The following SAP130 variants were observed in gnomAD, a reference collection of about 807,000 sequenced individuals.
SAP130 encodes the protein histone deacetylase complex subunit SAP130.
In SAP130, 16 loss-of-function variants were observed where a neutral mutation model predicts 103.2. That is an observed-to-expected ratio of 0.16 (90% CI 0.10 to 0.24). The LOEUF is 0.24. Ranked by LOEUF, SAP130 falls within the 10% of genes least tolerant of loss-of-function variation. SAP130 has a pLI of 1.00. For missense variants in SAP130, 990 were observed against 1,359.7 expected (o/e 0.73, Z 4.28); for synonymous variants, 477 against 497.0 (o/e 0.96, Z 0.53).
At chr2:128,027,590 A>C (rs2105280061) in intron 1 of SAP130, among the ~76,000 whole-genome samples, 1 of 149,560 alleles carries the variant, frequency 6.7e-6, no homozygotes, top group Middle Eastern at 3.6e-3. Context: ...GAGTCACTTT[A>C]AACTGCTCCA....
Position 128,024,651 on chromosome 2 carries a change from TGGAGTCC to T in SAP130, c.112+1523_112+1529del, listed in dbSNP as rs374190127. On this transcript the variant is annotated intron_variant, in intron 2 of 20. Coordinates refer to ENST00000643581, the MANE Select transcript of SAP130 (RefSeq NM_001330301.2). ...CAAGGAGGGTGGATCACTTGAAGTC[TGGAGTCC>T]GGAGTCCGAGATCAGCCTGGCCAAC... Among the ~76,000 whole-genome samples, 49 of 150,708 alleles carry T rather than the reference TGGAGTCC, an allele frequency of 3.3e-4. 1 individual carries two copies. The South Asian group carries it at 6.1e-3, about 19-fold the overall frequency.
At chr2:127,971,414 T>G (rs1681083692) in intron 15 of SAP130, among the ~76,000 whole-genome samples, 1 of 151,800 alleles carries the variant, frequency 6.6e-6, no homozygotes, top group East Asian at 1.9e-4. Context: ...GCCTCCCGAG[T>G]AGCTGGGACT....
intron 2 of SAP130, among the ~76,000 whole-genome samples, chr2:128,024,296 T>C (rs1249662617): frequency 6.6e-6 from 1 of 150,874 alleles, no homozygotes; most frequent in South Asian, 2.1e-4. Flanking sequence ...CTGGTCAACA[T>C]AGCAAGACTC....
At chr2:127,982,161 AAAG>A (rs1269010709) in intron 14 of SAP130, among the ~76,000 whole-genome samples, 2 of 150,230 alleles carry the variant, frequency 1.3e-5, no homozygotes, top group Non-Finnish European at 2.9e-5. Context: ...TTCTTTTTAC[AAAG>A]AAGAGCAAAA....
chr2:127,970,588 T>G (rs1681015472), intron 15 of SAP130, among the ~76,000 whole-genome samples: 1 of 146,142 alleles, frequency 6.8e-6, no homozygotes, highest in Non-Finnish European at 1.5e-5. Flanking sequence ...TGGTGATGCA[T>G]GCCTGGAGTC....
At chr2:127,975,305 A>C (rs1051930021) in intron 15 of SAP130, among the ~76,000 whole-genome samples, 1 of 152,224 alleles carries the variant, frequency 6.6e-6, no homozygotes, top group Non-Finnish European at 1.5e-5. Context: ...ACCAAGATGA[A>C]AATGCAACAA....
chr2:127,947,764 C>CTGTGTGTGTCTGTGTGTGTGAG (rs1553500402), intron 18 of SAP130, among the ~76,000 whole-genome samples: 6 of 143,422 alleles, frequency 4.2e-5, no homozygotes, highest in Non-Finnish European at 7.6e-5. Flanking sequence ...TTGTGTGTGT[C>CTGTGTGTGTCTGTGTGTGTGAG]TGTGTGTGTG....
chr2:128,027,321 C>A (rs2105278501), intron 1 of SAP130: 2 of 1,157,402 alleles, frequency 1.7e-6, no homozygotes, highest in Non-Finnish European at 2.1e-6. Flanking sequence ...CTGCCTCCCC[C>A]GCCCGCCCAT....
intron 2 of SAP130, among the ~76,000 whole-genome samples, chr2:128,021,048 G>A (rs1051047194): frequency 2.0e-5 from 3 of 152,140 alleles, no homozygotes; most frequent in African/African-American, 7.2e-5. Flanking sequence ...TAAAATCACT[G>A]TATCATTGAT....
chr2:127,954,955 C>A, intron 16 of SAP130, 31 bp downstream of exon 16: 1 of 1,494,584 alleles, frequency 6.7e-7, no homozygotes, highest in South Asian at 1.2e-5. Context: ...GAGGCAATTG[C>A]CAATGGAGAG....
rs772488591 is a variant in SAP130, at chr2:127,955,024, T to A, written c.2384A>T (p.Glu795Val). 9.3e-6 allele frequency: 15 copies of A among 1,613,832 alleles called. No homozygotes were observed. In the South Asian group the frequency reaches 1.6e-4, roughly 18 times the overall value. The change falls in exon 16 of 21, where the codon GAA becomes GTA. Residue 795 changes from glutamate (E) to valine (V), a missense_variant. Glu to Val is a moderately radical substitution (Grantham distance 121). This residue lies in a region of SAP130 where 349 missense variants were observed against 384.1 expected (regional missense o/e 0.91). Coordinates refer to ENST00000643581, the MANE Select transcript of SAP130 (RefSeq NM_001330301.2). The surrounding 1 kb of genome is among the most constrained non-coding windows in gnomAD (Gnocchi z 4.9). ...GPPVPEIKVK[E>V]EVEPMDIMRP... ...CATGATATCCATTGGTTCTACTTCT[T>A]CTTTCACTTTAATTTCAGGAACGGG...
At chr2:127,959,966 C>T (rs575410431) in intron 15 of SAP130, among the ~76,000 whole-genome samples, 4 of 152,298 alleles carry the variant, frequency 2.6e-5, no homozygotes, top group African/African-American at 9.6e-5. Flanking sequence ...TCATTGAGCA[C>T]TACAGCCTCC....
intron 15 of SAP130, among the ~76,000 whole-genome samples, chr2:127,963,963 G>A (rs1305609853): frequency 6.6e-6 from 1 of 152,152 alleles, no homozygotes; most frequent in African/African-American, 2.4e-5. Context: ...TATCTTGATT[G>A]GGATAGTGTT....
rs1419267363 is a variant in SAP130 at position 127,989,777 on chromosome 2, T to A, written c.1567A>T (p.Thr523Ser). 6.2e-7 allele frequency: 1 copy of A among 1,614,194 alleles called. No homozygotes were observed. Among genetic ancestry groups the A allele is most frequent in the East Asian group, 2.2e-5 (1 of 44,890 alleles). Residue 523 changes from threonine to serine, a missense_variant, in exon 13 of 21, where the codon ACA becomes TCA. Physicochemically the swap from Thr to Ser is moderately conservative, Grantham distance 58. Transcript: ENST00000643581. The surrounding 1 kb of genome is among the most constrained non-coding windows in gnomAD (Gnocchi z 4.6). ...TGTCGAGCATGCGATGCATCCACTG[T>A]CATCAACTGCATGGGGTTTAGGTGG... ...TVHLNPMQLM[T>S]VDASHARHIQ...
rs777703108 is a variant in SAP130 at position 127,986,596 on chromosome 2, G to C, written c.1958+189C>G. 1.3e-5 allele frequency among the ~76,000 whole-genome samples: 2 copies of C among 152,214 alleles called. No individual in the cohort carries two copies. The highest frequency in any genetic ancestry group is 6.5e-5 in the Admixed American group (1 of 15,290). On this transcript the variant is annotated intron_variant, in intron 14 of 20. Transcript: ENST00000643581. This position sits in a 1 kb window ranked among gnomAD's most constrained non-coding sequence, Gnocchi z 4.7. ...CCTCACTGACTCCAGGATTTGTTAAGATCTTACAGTCTCAGCTGGGTAAGG... is the reference window on the plus strand; with the variant it reads ...CCTCACTGACTCCAGGATTTGTTAACATCTTACAGTCTCAGCTGGGTAAGG...
rs536313467 is a variant in SAP130 at position 127,977,303 on chromosome 2, G to A, written c.2063+682C>T. Reference sequence around the variant, plus strand: ...TCAGGAGTTTGAGACCAGCCTGGCCGACATGGCGAAATCCTGACTCTACTT... The same window carrying A: ...TCAGGAGTTTGAGACCAGCCTGGCCAACATGGCGAAATCCTGACTCTACTT... On this transcript the variant is annotated intron_variant, in intron 15 of 20. Transcript: ENST00000643581. Among the ~76,000 whole-genome samples, 11 of 132,520 alleles carry A rather than the reference G, an allele frequency of 8.3e-5. No individual in the cohort carries two copies. The South Asian group carries it at 2.0e-3, about 24-fold the overall frequency. The allele number at this position is 132,520 out of a possible 152,430, so 86.9% of individuals were successfully genotyped here. A position where few individuals can be genotyped will look rare whatever the true frequency, so the allele number is the denominator to read the frequency against.
intron 7 of SAP130, among the ~76,000 whole-genome samples, chr2:128,007,993 A>G (rs1161470746): frequency 6.6e-6 from 1 of 152,040 alleles, no homozygotes; most frequent in Non-Finnish European, 1.5e-5. Context: ...TTTGATTTTC[A>G]TTTACTCGGA....
chr2:127,967,885 T>C (rs773369414), intron 15 of SAP130, among the ~76,000 whole-genome samples: 10 of 152,208 alleles, frequency 6.6e-5, no homozygotes, highest in East Asian at 1.9e-4. Flanking sequence ...ATAGACCATA[T>C]GTTAGGTCAA....
At chr2:127,947,659 A>G (rs756592455) in intron 18 of SAP130, among the ~76,000 whole-genome samples, 5 of 151,862 alleles carry the variant, frequency 3.3e-5, no homozygotes, top group African/African-American at 4.8e-5. Context: ...GTCTCTAGCA[A>G]TTTTCTTTCC....
Sources: allele counts gnomAD v4.1 joint callset (sites outside exome capture counted in the v4.1 genomes callset), GRCh38; gene constraint gnomAD v4.1.1; regional missense constraint gnomAD v4.1.1; non-coding constraint Gnocchi (gnomAD v3.1); transcripts MANE v1.5; gene names NCBI Gene and HGNC (gene_info 2026-07-23, HGNC 2026-07-21).